The following RAB27A variants were observed in gnomAD, a reference collection of about 807,000 sequenced individuals.
The protein encoded by RAB27A is RAB27A, member RAS oncogene family, also known as ras-related protein Rab-27A.
In RAB27A, 17 loss-of-function variants were observed where a neutral mutation model predicts 20.8. The observed-to-expected ratio is 0.82, with a 90% CI of 0.56 to 1.23. The LOEUF (loss-of-function observed/expected upper bound fraction) is 1.23, where lower values mean the gene tolerates loss of function less well. Among genes scored for constraint, RAB27A ranks in the 50% most tolerant of loss-of-function variants. RAB27A has a pLI of 0.00. For synonymous variants in RAB27A, 85 were observed against 92.8 expected, an observed-to-expected ratio of 0.92 and a Z score of 0.48; for missense variants, 277 against 266.7, an observed-to-expected ratio of 1.04 and a Z score of -0.27.
intron 3 of RAB27A, 36 bp downstream of exon 3, chr15:55,234,746 C>T (rs372593158): frequency 3.3e-5 from 52 of 1,575,212 alleles, no homozygotes; most frequent in South Asian, 1.4e-4. Flanking sequence ...GTTGACTTAA[C>T]GATTACATTT....
In RAB27A at chr15:55,275,788, T is replaced by G. The variant is rs76065370; in HGVS notation, c.-142-5504A>C. Among the ~76,000 whole-genome samples the G allele has an allele frequency of 5.0e-3, 766 of 151,844 alleles. 13 individuals carry two copies. Among genetic ancestry groups the G allele is most frequent in the African/African-American group, 0.017 (724 of 41,456 alleles). ...AATGGGCGAAAGACCTGAATAGACA[T>G]TTTTTCAAAGAATACATTAAAAATG... is the stretch of plus-strand genomic sequence containing the variant. On this transcript the variant is annotated intron_variant, in intron 1 of 6. Coordinates refer to ENST00000336787, the MANE Select transcript of RAB27A (RefSeq NM_183235.3).
At chr15:55,219,495 G>T (rs1397302818) in intron 6 of RAB27A, among the ~76,000 whole-genome samples, 2 of 152,190 alleles carry the variant, frequency 1.3e-5, no homozygotes, top group Non-Finnish European at 2.9e-5. Flanking sequence ...ACCAGCAGCA[G>T]CAACATCTAG....
rs1174289418 is a variant in RAB27A, at chr15:55,204,552, T to C, written c.*955A>G. 6.6e-6 allele frequency: 1 copy of C among 152,178 alleles called. No individual in the cohort carries two copies. Among genetic ancestry groups the C allele is most frequent in the Non-Finnish European group, 1.5e-5 (1 of 68,028 alleles). The allele number at this position is 152,178 out of a possible 1,614,324, so 9.4% of individuals were successfully genotyped here. On this transcript the variant is annotated 3_prime_UTR_variant, in exon 7 of 7. Transcript: ENST00000336787. ...ATATCAACAATACAGAGCCTGCTGG[T>C]AAAGATAGAGATGAGTAAGTTATAA...
intron 3 of RAB27A, among the ~76,000 whole-genome samples, chr15:55,230,913 A>G (rs1433193552): frequency 1.3e-5 from 2 of 152,122 alleles, no homozygotes; most frequent in African/African-American, 4.8e-5. Flanking sequence ...TATTGAATTC[A>G]TCACCCAAAC....
intron 2 of RAB27A, among the ~76,000 whole-genome samples, chr15:55,262,857 G>T (rs569758275): frequency 1.6e-3 from 245 of 152,110 alleles, no homozygotes; most frequent in African/African-American, 5.6e-3. Flanking sequence ...GCCCAGCCCA[G>T]TCTCGTCATG....
intron 2 of RAB27A, chr15:55,260,031 T>C (rs1403463396): frequency 6.6e-6 from 1 of 152,156 alleles, no homozygotes; most frequent in Non-Finnish European, 1.5e-5. Flanking sequence ...AATCTATAGA[T>C]CAAATTAAGA....
At chr15:55,242,556 A>G (rs955202209) in intron 2 of RAB27A, among the ~76,000 whole-genome samples, 6 of 152,178 alleles carry the variant, frequency 3.9e-5, no homozygotes, top group African/African-American at 1.2e-4. Flanking sequence ...TAAAAATACT[A>G]TTATTAATAG....
chr15:55,267,257 T>C (rs1050878395), intron 2 of RAB27A, among the ~76,000 whole-genome samples: 5 of 152,166 alleles, frequency 3.3e-5, no homozygotes, highest in Admixed American at 3.3e-4. Flanking sequence ...GACTATGTCA[T>C]CAAGAAAGGA....
intron 2 of RAB27A, among the ~76,000 whole-genome samples, chr15:55,302,876 G>A (rs1450189832): frequency 1.4e-5 from 2 of 140,200 alleles, no homozygotes; most frequent in African/African-American, 2.8e-5. Context: ...CCCTCCGTCC[G>A]GCAGCTGCCC....
At chr15:55,248,534 T>C (rs1158682524) in intron 2 of RAB27A, among the ~76,000 whole-genome samples, 2 of 152,192 alleles carry the variant, frequency 1.3e-5, no homozygotes, top group African/African-American at 4.8e-5. Flanking sequence ...GTTTTTCCCC[T>C]GCAAAGTATG....
Position 55,247,223 on chromosome 15 carries a change from G to T in RAB27A, c.-22-12267C>A, listed in dbSNP as rs141484056. On this transcript the variant is annotated intron_variant, in intron 2 of 6. Transcript: ENST00000336787. ...CAACTGGTAAGTACAGGGAATTCTG[G>T]TATTAACAAGCTCTGAAGAGGTAAA... is the stretch of plus-strand genomic sequence containing the variant. 3.7e-3 allele frequency among the ~76,000 whole-genome samples: 558 copies of T among 152,212 alleles called. 4 individuals are homozygous for T. The highest frequency in any genetic ancestry group is 0.013 in the African/African-American group (532 of 41,516).
At position 55,285,864 on chromosome 15, in the gene RAB27A, C is replaced by A. The variant is rs1242461350; in HGVS notation, c.-143+3852G>T. 2.6e-5 allele frequency among the ~76,000 whole-genome samples: 4 copies of A among 152,240 alleles called. No homozygotes were observed. The East Asian group carries it at 7.7e-4, about 29-fold the overall frequency. ...AAGAGGCCAACACCCTGGAGATAGG[C>A]ACTGAATGGCCCTGCCCAGTTTGCC... On this transcript the variant is annotated intron_variant, in intron 1 of 6. Coordinates refer to ENST00000336787, the MANE Select transcript of RAB27A (RefSeq NM_183235.3).
At chr15:55,238,468 G>C (rs1896351990) in intron 2 of RAB27A, 1 of 152,156 alleles carries the variant, frequency 6.6e-6, no homozygotes, top group African/African-American at 2.4e-5. Context: ...ATGTCTTTGA[G>C]CCTTAGATTT....
At chr15:55,238,155 G>A (rs1896337560) in intron 2 of RAB27A, 1 of 152,030 alleles carries the variant, frequency 6.6e-6, no homozygotes, top group Non-Finnish European at 1.5e-5. Context: ...ACAATTATCT[G>A]CTTTCTTGAT....
intron 2 of RAB27A, among the ~76,000 whole-genome samples, chr15:55,302,672 C>T (rs1412207826): frequency 1.7e-5 from 2 of 114,400 alleles, no homozygotes; most frequent in Admixed American, 8.2e-5. Flanking sequence ...AAGTGAGGAG[C>T]GTCTCTGCCC....
chr15:55,292,524 G>A (rs1043703055), upstream of RAB27A, among the ~76,000 whole-genome samples: 2 of 152,246 alleles, frequency 1.3e-5, no homozygotes, highest in Non-Finnish European at 2.9e-5. Flanking sequence ...ACATATTTAG[G>A]AGAGTGAATC....
At chr15:55,247,804 A>G (rs1312301445) in intron 2 of RAB27A, among the ~76,000 whole-genome samples, 1 of 152,092 alleles carries the variant, frequency 6.6e-6, no homozygotes, top group Admixed American at 6.6e-5. Context: ...TTTATCATTG[A>G]CTTTGTACAA....
chr15:55,236,440 G>A (rs1312981399), intron 2 of RAB27A, among the ~76,000 whole-genome samples: 5 of 152,100 alleles, frequency 3.3e-5, no homozygotes, highest in Non-Finnish European at 7.3e-5. Flanking sequence ...AGAGACCACA[G>A]TGCCACAACC....
chr15:55,209,028 C>T (rs1894789563), intron 6 of RAB27A, among the ~76,000 whole-genome samples: 1 of 152,086 alleles, frequency 6.6e-6, no homozygotes, highest in African/African-American at 2.4e-5. Flanking sequence ...TTTATTTATG[C>T]ATAATATAGT....
Sources: gnomAD v4.1 joint callset for allele counts (sites outside exome capture counted in the v4.1 genomes callset) on GRCh38, gnomAD v4.1.1 for gene constraint, MANE v1.5 for transcripts, NCBI Gene and HGNC (gene_info 2026-07-23, HGNC 2026-07-21) for gene names.